Variants in FILIP1 observed in about 807,000 individuals in gnomAD.
FILIP1 encodes the protein filamin-A-interacting protein 1.
In FILIP1, 61 loss-of-function variants were observed where a neutral mutation model predicts 102.1. The ratio of observed to expected loss-of-function variants is 0.60; its 90% CI spans 0.49 to 0.74. FILIP1 has a LOEUF of 0.74. FILIP1 is among the 30% of genes least tolerant of loss of function. The probability of loss-of-function intolerance (pLI) is 0.00; values close to 1 mark genes in which losing one functional copy is unlikely to be tolerated. For missense variants in FILIP1, 1,314 were observed against 1,441.2 expected, an observed-to-expected ratio of 0.91 and a Z score of 1.43; for synonymous variants, 491 against 526.9, an observed-to-expected ratio of 0.93 and a Z score of 0.93.
intron 1 of FILIP1, among the ~76,000 whole-genome samples, chr6:75,478,046 T>C (rs1779538124): frequency 6.6e-6 from 1 of 152,218 alleles, no homozygotes; most frequent in African/African-American, 2.4e-5. Context: ...CTCACTTCTC[T>C]TTACCTGTGG....
intron 2 of FILIP1, among the ~76,000 whole-genome samples, chr6:75,378,826 T>G (rs1005807812): frequency 1.1e-4 from 16 of 152,130 alleles, no homozygotes; most frequent in Non-Finnish European, 1.5e-5. Context: ...TATTTGTGGA[T>G]TAATTTATTA....
intron 2 of FILIP1, among the ~76,000 whole-genome samples, chr6:75,381,839 C>G (rs1241719871): frequency 6.6e-6 from 1 of 152,104 alleles, no homozygotes; most frequent in Non-Finnish European, 1.5e-5. Flanking sequence ...TTCTTAATTC[C>G]AATTCTATAG....
intron 2 of FILIP1, among the ~76,000 whole-genome samples, chr6:75,365,547 T>C (rs1306255362): frequency 6.6e-6 from 1 of 152,090 alleles, no homozygotes; most frequent in African/African-American, 2.4e-5. Context: ...CCGCCTCGCC[T>C]GGCTAATTTT....
chr6:75,366,872 A>T (rs973363959), intron 2 of FILIP1, among the ~76,000 whole-genome samples: 8 of 152,200 alleles, frequency 5.3e-5, no homozygotes, highest in African/African-American at 1.9e-4. Context: ...GTCTCTCCAA[A>T]AGTTATTTAA....
At chr6:75,444,302 C>T (rs147999955) in intron 1 of FILIP1, among the ~76,000 whole-genome samples, 2 of 152,264 alleles carry the variant, frequency 1.3e-5, no homozygotes, top group Admixed American at 6.5e-5. Context: ...TCTGGTTGAA[C>T]CAGCTATCAA....
At chr6:75,429,075 T>C (rs1275523824) in intron 1 of FILIP1, among the ~76,000 whole-genome samples, 1 of 149,892 alleles carries the variant, frequency 6.7e-6, no homozygotes, top group Non-Finnish European at 1.5e-5. Flanking sequence ...CACTATGTTT[T>C]TTTGTTATTG....
intron 4 of FILIP1, among the ~76,000 whole-genome samples, chr6:75,320,905 A>G (rs1773631429): frequency 6.6e-6 from 1 of 152,234 alleles, no homozygotes; most frequent in Admixed American, 6.5e-5. Context: ...GTCTACCTGT[A>G]GCACTGGAGG....
At chr6:75,453,888 CAAT>C (rs1420041480) in intron 1 of FILIP1, 1 of 451,966 alleles carries the variant, frequency 2.2e-6, no homozygotes, top group East Asian at 7.0e-5. Flanking sequence ...TGCAAATACA[CAAT>C]AAGTCATAAC....
intron 2 of FILIP1, among the ~76,000 whole-genome samples, chr6:75,384,211 AAAT>A (rs1366259313): frequency 9.9e-5 from 15 of 152,228 alleles, no homozygotes; most frequent in African/African-American, 3.4e-4. Context: ...GGAAAAGATC[AAAT>A]AATTGTGTTA....
chr6:75,491,375 T>C (rs1260772029), intron 1 of FILIP1, among the ~76,000 whole-genome samples: 2 of 152,152 alleles, frequency 1.3e-5, no homozygotes, highest in African/African-American at 2.4e-5. Flanking sequence ...TGCCAGATGA[T>C]GGAAGGTTTT....
intron 3 of FILIP1, among the ~76,000 whole-genome samples, chr6:75,361,293 C>G (rs970159319): frequency 6.6e-6 from 1 of 152,140 alleles, no homozygotes; most frequent in African/African-American, 2.4e-5. Flanking sequence ...GCCCATAGAA[C>G]CCAGTGGATT....
rs35853449 is a variant in FILIP1 at position 75,413,784 on chromosome 6, GAAAAA to G, written c.276+908_276+912del. 6.3e-4 allele frequency among the ~76,000 whole-genome samples: 86 copies of G among 136,698 alleles called. No homozygotes were observed. In the Admixed American group the frequency reaches 6.3e-3, roughly 10 times the overall value. The allele number at this position is 136,698 out of a possible 152,430, so 89.7% of individuals were successfully genotyped here. ...CCACTCTTTAAGTCATCTTCTCCAG[GAAAAA>G]AAAAAAAAAAGTATTGTTCCTCTAC... is the stretch of plus-strand genomic sequence containing the variant. On this transcript the variant is annotated intron_variant, in intron 2 of 5. Coordinates refer to ENST00000237172, the MANE Select transcript of FILIP1 (RefSeq NM_015687.5).
chr6:75,316,623 A>T (rs1773457814), intron 4 of FILIP1, among the ~76,000 whole-genome samples: 1 of 152,160 alleles, frequency 6.6e-6, no homozygotes, highest in African/African-American at 2.4e-5. Flanking sequence ...AATGGCTCTG[A>T]TCATGTCGTT....
At chr6:75,427,587 G>C (rs1342153818) in intron 1 of FILIP1, among the ~76,000 whole-genome samples, 2 of 152,070 alleles carry the variant, frequency 1.3e-5, no homozygotes, top group African/African-American at 4.8e-5. Flanking sequence ...AAGAGGGAAT[G>C]GTACAGGAGT....
In FILIP1 at chr6:75,393,285, TAA is replaced by T. The variant is rs375407208; in HGVS notation, c.276+21410_276+21411del. On this transcript the variant is annotated intron_variant, in intron 2 of 5. Transcript: ENST00000237172. Reference sequence around the variant, plus strand: ...AATGACATTTTTAAATGTTAATAAATAAAGTTATTCATATATATTTATTAAGT... The same window carrying T: ...AATGACATTTTTAAATGTTAATAAATAGTTATTCATATATATTTATTAAGT... 4.8e-4 allele frequency among the ~76,000 whole-genome samples: 73 copies of T among 152,282 alleles called. 1 individual carries two copies. The East Asian group carries it at 8.3e-3, about 17-fold the overall frequency.
chr6:75,450,014 C>T (rs1049783416), intron 1 of FILIP1, among the ~76,000 whole-genome samples: 7 of 152,212 alleles, frequency 4.6e-5, no homozygotes, highest in South Asian at 4.1e-4. Flanking sequence ...GCTTACTGTA[C>T]GGCAGCTTTT....
chr6:75,324,995 AT>A (rs1424373377), intron 4 of FILIP1, among the ~76,000 whole-genome samples: 2 of 152,236 alleles, frequency 1.3e-5, no homozygotes, highest in Non-Finnish European at 2.9e-5. Context: ...AGAAGATAAC[AT>A]TGGAAAAACT....
At chr6:75,300,263 TC>T (rs1367186528) in intron 6 of FILIP1, among the ~76,000 whole-genome samples, 1 of 152,192 alleles carries the variant, frequency 6.6e-6, no homozygotes, top group African/African-American at 2.4e-5. Context: ...GATTGCTTTA[TC>T]CACAGGAAGC....
chr6:75,351,431 G>C lies in FILIP1; in HGVS notation c.629+2108C>G, dbSNP rs181251740. On this transcript the variant is annotated intron_variant, in intron 4 of 5. Transcript: ENST00000237172. Reference sequence around the variant, plus strand: ...CTTAATATTTTATTTCATTTGCATAGGACTCTAAATAATTTGTTGACATGG... The same window carrying C: ...CTTAATATTTTATTTCATTTGCATACGACTCTAAATAATTTGTTGACATGG... Among the ~76,000 whole-genome samples the C allele has an allele frequency of 5.9e-5, 9 of 152,214 alleles. No individual in the cohort carries two copies. The East Asian group carries it at 1.7e-3, about 29-fold the overall frequency.
Sources: gnomAD v4.1 joint callset for allele counts (sites outside exome capture counted in the v4.1 genomes callset) on GRCh38, gnomAD v4.1.1 for gene constraint, MANE v1.5 for transcripts, NCBI Gene and HGNC (gene_info 2026-07-23, HGNC 2026-07-21) for gene names.